The following METTL9 variants were observed in gnomAD, a reference collection of about 807,000 sequenced individuals.
METTL9 encodes methyltransferase 9, His-X-His N1(pi)-histidine.
Under a neutral mutation model 36.0 loss-of-function variants are expected in METTL9, and 10 were observed. The observed-to-expected ratio is 0.28, with a 90% CI of 0.17 to 0.47. The LOEUF is 0.47. Among genes scored for constraint, METTL9 ranks in the 20% least tolerant of loss-of-function variants. The pLI, the probability that METTL9 is intolerant of heterozygous loss-of-function variation, is 0.99. For synonymous variants in METTL9, 175 were observed against 149.7 expected (o/e 1.17, Z -1.23); for missense variants, 246 against 383.5 (o/e 0.64, Z 3.00).
chr16:21,604,380 T>C (rs1365810194), intron 1 of METTL9, among the ~76,000 whole-genome samples: 2 of 152,178 alleles, frequency 1.3e-5, no homozygotes, highest in Non-Finnish European at 2.9e-5. Flanking sequence ...AGCTCTGTTG[T>C]GTAGACCCTC....
chr16:21,651,221 TCAAA>T (rs1313373981), intron 4 of METTL9, among the ~76,000 whole-genome samples: 1 of 152,026 alleles, frequency 6.6e-6, no homozygotes, highest in Non-Finnish European at 1.5e-5. Flanking sequence ...AGACTCCGTC[TCAAA>T]CAAACAAAAA....
rs368491564 is a variant in METTL9, at chr16:21,624,058, C to T, written c.567-873C>T. ...TGCTAGGATTACAGGCGTGAGCCAC[C>T]GTGCCCGGTCCTTTTCTGTATAGTT... On this transcript the variant is annotated intron_variant, in intron 3 of 4. Transcript: ENST00000358154. 1.8e-3 allele frequency among the ~76,000 whole-genome samples: 275 copies of T among 152,250 alleles called. 10 individuals are homozygous for T. The South Asian group carries it at 0.055, about 30-fold the overall frequency.
intron 4 of METTL9, chr16:21,654,005 CATT>C (rs1966644023): frequency 6.8e-6 from 1 of 147,884 alleles, no homozygotes. Context: ...TATATTTTCT[CATT>C]AACAGAAAGT....
intron 1 of METTL9, among the ~76,000 whole-genome samples, chr16:21,601,155 T>G (rs1353966685): frequency 6.6e-6 from 1 of 152,210 alleles, no homozygotes; most frequent in Non-Finnish European, 1.5e-5. Flanking sequence ...AGGTGCAATA[T>G]CAGTATCATT....
intron 4 of METTL9, among the ~76,000 whole-genome samples, chr16:21,645,613 G>GA (rs1190886194): frequency 1.3e-5 from 2 of 152,164 alleles, no homozygotes; most frequent in Non-Finnish European, 2.9e-5. Context: ...GAAGAGACAG[G>GA]AAGTTGCCAT....
In METTL9 at chr16:21,603,825, T is replaced by C. The variant is rs155031; in HGVS notation, c.165+3927T>C. The stretch of plus-strand genomic sequence containing the variant: ...AAAAGCACAGATAACATTCAATATC[T>C]GGAATTATTAAGTTGTAACTTAAAA... On this transcript the variant is annotated intron_variant, in intron 1 of 4. Coordinates refer to ENST00000358154, the MANE Select transcript of METTL9 (RefSeq NM_016025.5). Among the ~76,000 whole-genome samples the C allele has an allele frequency of 8.8e-3, 1,343 of 152,320 alleles. 45 individuals carry two copies. The highest frequency in any genetic ancestry group is 0.083 in the East Asian group (428 of 5,186).
At chr16:21,619,581 C>T (rs1057182368) in intron 3 of METTL9, among the ~76,000 whole-genome samples, 3 of 147,934 alleles carry the variant, frequency 2.0e-5, no homozygotes, top group African/African-American at 4.9e-5. Context: ...CCACTATGCC[C>T]GGCTAATTTT....
chr16:21,616,718 C>G (rs1017139479), intron 2 of METTL9, among the ~76,000 whole-genome samples: 46 of 152,296 alleles, frequency 3.0e-4, no homozygotes, highest in Non-Finnish European at 1.0e-4. Flanking sequence ...ACCGACATCA[C>G]AAGGACCACT....
intron 4 of METTL9, among the ~76,000 whole-genome samples, chr16:21,629,699 G>A (rs908562500): frequency 6.6e-5 from 10 of 152,270 alleles, no homozygotes; most frequent in African/African-American, 2.4e-4. Context: ...TGCAAAGAAC[G>A]AAAGAACAAA....
At chr16:21,599,447 A>C, upstream of METTL9, 4 of 1,143,636 alleles carry the variant, frequency 3.5e-6, no homozygotes, top group African/African-American at 1.6e-5. The surrounding 1 kb of genome is among the most constrained non-coding windows in gnomAD (Gnocchi z 4.4). Context: ...CATTGGACGG[A>C]GGGAGGGCGC....
chr16:21,647,196 A>G (rs1392741870), intron 4 of METTL9: 3 of 1,614,092 alleles, frequency 1.9e-6, no homozygotes, highest in South Asian at 2.2e-5. Context: ...ACACTGGGGA[A>G]TGCTATTCCA....
rs140636871 is a variant in METTL9, at chr16:21,638,324, G to GA, written c.751+13212dup. On this transcript the variant is annotated intron_variant, in intron 4 of 4. Coordinates refer to ENST00000358154, the MANE Select transcript of METTL9 (RefSeq NM_016025.5). ...CAAGAGCAAAACTCCATCTCAAGAA[G>GA]AAAGAAAAAGTTGCAGTTTAATTCT... Among the ~76,000 whole-genome samples, 1,335 of 152,190 alleles carry GA rather than the reference G, an allele frequency of 8.8e-3. 45 individuals carry two copies. Among genetic ancestry groups the GA allele is most frequent in the East Asian group, 0.082 (424 of 5,158 alleles).
rs1012609849 is a variant in METTL9 at position 21,632,507 on chromosome 16, C to G, written c.751+7392C>G. ...AGAGATCATCTCGGGCCACATAAGT[C>G]TGGACTATAATTTATTGGTAGTCAT... is the stretch of plus-strand genomic sequence containing the variant. On this transcript the variant is annotated intron_variant, in intron 4 of 4. Coordinates refer to ENST00000358154, the MANE Select transcript of METTL9 (RefSeq NM_016025.5). Among the ~76,000 whole-genome samples, 2 of 152,268 alleles carry G rather than the reference C, an allele frequency of 1.3e-5. 1 individual carries two copies. Among genetic ancestry groups the G allele is most frequent in the Middle Eastern group, 6.8e-3 (2 of 294 alleles).
chr16:21,656,300 A>G lies in METTL9; in HGVS notation c.*868A>G, dbSNP rs1304050466. The G allele has an allele frequency of 6.6e-6, 1 of 151,680 alleles. No individual in the cohort carries two copies. 9.4% of individuals were successfully genotyped at this position (151,680 alleles called of 1,614,324 possible). ...TTTCTGGACAATCTCAGGTTCTCAG[A>G]ATTGAAACATTCAGTTTTGTCTACT... is the stretch of plus-strand genomic sequence containing the variant. On this transcript the variant is annotated 3_prime_UTR_variant, in exon 5 of 5. Transcript: ENST00000358154.
At chr16:21,621,977 G>A (rs572272278) in intron 3 of METTL9, among the ~76,000 whole-genome samples, 10 of 150,702 alleles carry the variant, frequency 6.6e-5, no homozygotes, top group Admixed American at 2.6e-4. Flanking sequence ...CGAGTAGCTG[G>A]GACTACAGGC....
At chr16:21,605,260 T>TTTTTTTTTTTTTTTTTG (rs1965250581) in intron 1 of METTL9, among the ~76,000 whole-genome samples, 1 of 44,366 alleles carries the variant, frequency 2.3e-5, no homozygotes, top group Non-Finnish European at 3.8e-5. Context: ...TTGCCTTCTT[T>TTTTTTTTTTTTTTTTTG]TTTTTTTTTT....
At chr16:21,645,698 C>T (rs1966404358) in intron 4 of METTL9, among the ~76,000 whole-genome samples, 1 of 152,190 alleles carries the variant, frequency 6.6e-6, no homozygotes, top group African/African-American at 2.4e-5. Flanking sequence ...TTGAGACCTT[C>T]ATCTTTTTAC....
chr16:21,612,873 T>C, intron 2 of METTL9, 38 bp downstream of exon 2: 1 of 1,506,620 alleles, frequency 6.6e-7, no homozygotes, highest in Non-Finnish European at 8.9e-7. Flanking sequence ...TTCTTTATCC[T>C]TAGGTTTACA....
chr16:21,650,281 C>T (rs1052417433), intron 4 of METTL9, among the ~76,000 whole-genome samples: 1 of 152,072 alleles, frequency 6.6e-6, no homozygotes, highest in African/African-American at 2.4e-5. Context: ...CCGAGGCGGG[C>T]AGATCACCTG....
Sources: gnomAD v4.1 joint callset for allele counts (sites outside exome capture counted in the v4.1 genomes callset) on GRCh38, gnomAD v4.1.1 for gene constraint, Gnocchi (gnomAD v3.1) non-coding constraint, MANE v1.5 for transcripts, NCBI Gene and HGNC (gene_info 2026-07-23, HGNC 2026-07-21) for gene names.